The following CAMSAP1 variants were observed in gnomAD, a reference collection of about 807,000 sequenced individuals.
CAMSAP1 encodes calmodulin regulated spectrin associated protein 1, also known as calmodulin-regulated spectrin-associated protein 1.
In CAMSAP1, 58 loss-of-function variants were observed where a neutral mutation model predicts 143.5. The observed-to-expected ratio is 0.40, with a 90% confidence interval of 0.33 to 0.50. CAMSAP1 has a LOEUF of 0.50. CAMSAP1 is among the 20% of genes least tolerant of loss of function. CAMSAP1 has a pLI of 0.45. For synonymous variants in CAMSAP1, 945 were observed against 859.3 expected (o/e 1.10, Z -1.74); for missense variants, 1,969 against 2,115.7 (o/e 0.93, Z 1.36).
Position 135,811,335 on chromosome 9 carries a change from G to A in CAMSAP1, c.4783C>T (p.Pro1595Ser). The change falls in exon 17 of 17, where the codon CCA becomes TCA. Residue 1595 changes from proline (P) to serine (S), a missense_variant. Physicochemically the swap from Pro to Ser is moderately conservative, Grantham distance 74. Around this residue, in one of 4 missense-constraint regions of CAMSAP1, gnomAD observed 143 missense variants for 200.6 expected, o/e 0.71. Coordinates refer to ENST00000389532, the MANE Select transcript of CAMSAP1 (RefSeq NM_015447.4). This position sits in a 1 kb window ranked among gnomAD's most constrained non-coding sequence, Gnocchi z 4.9. ...CATTTACGAGTCTGGGCCTTCTTTGGCACTGCAGGCCGCTTGGGCTGCCAC... is the reference window on the plus strand; with the variant it reads ...CATTTACGAGTCTGGGCCTTCTTTGACACTGCAGGCCGCTTGGGCTGCCAC... ...HLWQPKRPAV[P>S]KKAQTRK 6.2e-7 allele frequency: 1 copy of A among 1,613,016 alleles called. No homozygotes were observed. The highest frequency in any genetic ancestry group is 1.1e-5 in the South Asian group (1 of 90,738).
Position 135,826,806 on chromosome 9 carries a change from C to T in CAMSAP1, c.1223+601G>A, listed in dbSNP as rs1035569522. Among the ~76,000 whole-genome samples the T allele has an allele frequency of 1.3e-5, 2 of 152,178 alleles. No homozygotes were observed. The highest frequency in any genetic ancestry group is 4.8e-5 in the African/African-American group (2 of 41,432). ...TCACTCTTACTCCAAGGGAAGCTTC[C>T]TTCACCCCCTCCCCCAATTCTGGCA... On this transcript the variant is annotated intron_variant, in intron 8 of 16. Coordinates refer to ENST00000389532, the MANE Select transcript of CAMSAP1 (RefSeq NM_015447.4). The surrounding 1 kb of genome is among the most constrained non-coding windows in gnomAD (Gnocchi z 4.4).
At chr9:135,843,428 A>T in intron 7 of CAMSAP1, among the ~76,000 whole-genome samples, 1 of 152,108 alleles carries the variant, frequency 6.6e-6, no homozygotes, top group Non-Finnish European at 1.5e-5. Context: ...AAGACTCAAA[A>T]TAAAGGGATG....
At chr9:135,901,926 A>G (rs1488968775) in intron 1 of CAMSAP1, among the ~76,000 whole-genome samples, 1 of 151,998 alleles carries the variant, frequency 6.6e-6, no homozygotes, top group Non-Finnish European at 1.5e-5. Context: ...ACCCGAAGAC[A>G]CCTCTCCTCT....
chr9:135,824,703 TA>T lies in CAMSAP1; in HGVS notation c.1315+85del. On this transcript the variant is annotated intron_variant, in intron 9 of 16. Transcript: ENST00000389532. This position sits in a 1 kb window ranked among gnomAD's most constrained non-coding sequence, Gnocchi z 4.1. Reference sequence around the variant, plus strand: ...CAAACAAAAAAATCACTACATCAGATAAAATGATTTAATTTTGAGAAATATG... The same window carrying T: ...CAAACAAAAAAATCACTACATCAGATAAATGATTTAATTTTGAGAAATATG... 9.7e-7 allele frequency: 1 copy of T among 1,028,080 alleles called. No homozygotes were observed. 63.7% of individuals were successfully genotyped at this position (1,028,080 alleles called of 1,614,324 possible). A position where few individuals can be genotyped will look rare whatever the true frequency, so the allele number is the denominator to read the frequency against.
intron 7 of CAMSAP1, among the ~76,000 whole-genome samples, chr9:135,839,490 C>T (rs958534703): frequency 7.2e-5 from 11 of 152,162 alleles, no homozygotes; most frequent in African/African-American, 2.2e-4. Context: ...GGAGGGAGAA[C>T]ATGCCACAGG....
rs1441175544 is a variant in CAMSAP1 at position 135,822,987 on chromosome 9, C to A, written c.1674G>T (p.Glu558Asp). 1.9e-6 allele frequency: 3 copies of A among 1,613,888 alleles called. No homozygotes were observed. Among genetic ancestry groups the A allele is most frequent in the Non-Finnish European group, 2.5e-6 (3 of 1,179,910 alleles). ...ADVVPQQADP[E>D]FPRASPRALG... ...AGGCCCGGGGTGAGGCCCTGGGGAA[C>A]TCCGGGTCAGCCTGCTGGGGAACCA... The change falls in exon 11 of 17, where the codon GAG (glutamate) becomes GAT (aspartate). Residue 558 changes from glutamate (E) to aspartate (D), a missense_variant. Physicochemically the swap from Glu to Asp is conservative, Grantham distance 45. Transcript: ENST00000389532. The surrounding 1 kb of genome is among the most constrained non-coding windows in gnomAD (Gnocchi z 6.1).
intron 1 of CAMSAP1, among the ~76,000 whole-genome samples, chr9:135,896,912 G>GC (rs1360019791): frequency 2.0e-5 from 3 of 152,112 alleles, no homozygotes; most frequent in Non-Finnish European, 4.4e-5. Flanking sequence ...GTCCTCTTCT[G>GC]CCATATAAGG....
intron 16 of CAMSAP1, among the ~76,000 whole-genome samples, chr9:135,812,127 T>C (rs148456210): frequency 3.9e-5 from 6 of 152,234 alleles, no homozygotes; most frequent in Admixed American, 3.9e-4. Flanking sequence ...AAAACACGCA[T>C]CCATACAAAA....
At chr9:135,874,358 G>A (rs1281315447) in intron 3 of CAMSAP1, among the ~76,000 whole-genome samples, 5 of 150,846 alleles carry the variant, frequency 3.3e-5, no homozygotes, top group African/African-American at 7.3e-5. Flanking sequence ...TGTAGTCCCA[G>A]CTATTCAGCA....
intron 3 of CAMSAP1, among the ~76,000 whole-genome samples, chr9:135,877,468 T>C (rs1166059794): frequency 7.3e-6 from 1 of 136,514 alleles, no homozygotes; most frequent in Non-Finnish European, 1.6e-5. Flanking sequence ...ACTGACTTCA[T>C]ATAAAATACA....
In CAMSAP1 at chr9:135,836,271, G is replaced by A. The variant is rs563905614; in HGVS notation, c.1046-8687C>T. The A allele has an allele frequency of 1.3e-4, 130 of 981,064 alleles. No homozygotes were observed. In the African/African-American group the frequency reaches 1.3e-3, roughly 10 times the overall value. 60.8% of individuals were successfully genotyped at this position (981,064 alleles called of 1,614,324 possible). On this transcript the variant is annotated intron_variant, in intron 7 of 16. Transcript: ENST00000389532. ...GTCACCACCTACCTTTACCCATTCC[G>A]CAGCCACACATCACCACGTACCTTC...
intron 1 of CAMSAP1, among the ~76,000 whole-genome samples, chr9:135,901,316 C>G (rs1838609602): frequency 6.6e-6 from 1 of 152,148 alleles, no homozygotes; most frequent in Admixed American, 6.5e-5. Context: ...CATCTGGGCA[C>G]AGTGGACTAA....
Position 135,818,292 on chromosome 9 carries a change from T to C in CAMSAP1, c.4168+116A>G. ...GTCATCCATGAAACGGGGATAATCA[T>C]CTCCACCCTTCCCGCCTCACACCAC... is the stretch of plus-strand genomic sequence containing the variant. On this transcript the variant is annotated intron_variant, in intron 13 of 16. Transcript: ENST00000389532. This position sits in a 1 kb window ranked among gnomAD's most constrained non-coding sequence, Gnocchi z 7.7. 1 of 1,209,950 alleles carries C rather than the reference T, an allele frequency of 8.3e-7. No homozygotes were observed. Among genetic ancestry groups the C allele is most frequent in the Non-Finnish European group, 1.1e-6 (1 of 875,430 alleles). The allele number at this position is 1,209,950 out of a possible 1,614,324, so 75.0% of individuals were successfully genotyped here.
intron 3 of CAMSAP1, among the ~76,000 whole-genome samples, chr9:135,867,489 T>TAAA (rs140462483): frequency 7.0e-6 from 1 of 142,536 alleles, no homozygotes; most frequent in Non-Finnish European, 1.5e-5. Context: ...TTTTTTTTTT[T>TAAA]AAAAAAAAAG....
intron 1 of CAMSAP1, among the ~76,000 whole-genome samples, chr9:135,895,829 G>T (rs752483001): frequency 4.6e-5 from 7 of 152,284 alleles, no homozygotes; most frequent in South Asian, 4.1e-4. Context: ...GTAAACTGTT[G>T]TAAGTCACAT....
Position 135,822,975 on chromosome 9 carries a change from G to A in CAMSAP1, c.1686C>T (p.Ala562=). The A allele has an allele frequency of 6.2e-7, 1 of 1,613,980 alleles. No individual in the cohort carries two copies. The highest frequency in any genetic ancestry group is 8.5e-7 in the Non-Finnish European group (1 of 1,179,890). The change falls in exon 11 of 17, where the codon GCC becomes GCT. Residue 562 remains alanine (A), a synonymous_variant. Transcript: ENST00000389532. The surrounding 1 kb of genome is among the most constrained non-coding windows in gnomAD (Gnocchi z 6.1). ...CTGTAAGGCCTAAGGCCCGGGGTGA[G>A]GCCCTGGGGAACTCCGGGTCAGCCT... is the stretch of plus-strand genomic sequence containing the variant. The part of the protein sequence containing the change: ...PQQADPEFPR[A]SPRALGLTAN...
At position 135,857,856 on chromosome 9, in the gene CAMSAP1, C is replaced by G. The variant is rs149311415; in HGVS notation, c.808+4611G>C. Among the ~76,000 whole-genome samples, 214 of 152,294 alleles carry G rather than the reference C, an allele frequency of 1.4e-3. 2 individuals are homozygous for G. Among genetic ancestry groups the G allele is most frequent in the African/African-American group, 4.8e-3 (199 of 41,558 alleles). On this transcript the variant is annotated intron_variant, in intron 5 of 16. Transcript: ENST00000389532. ...TCACCTTCGGGTATGAAGAATTTTA[C>G]ACAAAAGCCCTGATTTCAGTGTCAC...
intron 7 of CAMSAP1, chr9:135,836,792 T>C (rs61356578): frequency 3.4e-5 from 33 of 982,272 alleles, no homozygotes; most frequent in Non-Finnish European, 3.9e-5. Context: ...ACACACATCA[T>C]CATGCACTTT....
chr9:135,823,623 G>A (rs531710285), intron 10 of CAMSAP1, among the ~76,000 whole-genome samples: 1 of 152,074 alleles, frequency 6.6e-6, no homozygotes, highest in African/African-American at 2.4e-5. Context: ...GACTATATTC[G>A]CCAGAACGGA....
Sources: gnomAD v4.1 joint callset for allele counts (sites outside exome capture counted in the v4.1 genomes callset) on GRCh38, gnomAD v4.1.1 for gene constraint, gnomAD v4.1.1 regional missense constraint, Gnocchi (gnomAD v3.1) non-coding constraint, MANE v1.5 for transcripts, NCBI Gene and HGNC (gene_info 2026-07-23, HGNC 2026-07-21) for gene names.